Variants in RIMS2 observed in about 807,000 individuals in gnomAD.
RIMS2 encodes the protein regulating synaptic membrane exocytosis 2.
RIMS2 carries 59 observed loss-of-function variants against 174.4 expected under a neutral mutation model. That is an observed-to-expected ratio of 0.34 (90% CI 0.27 to 0.42). The LOEUF is 0.42. RIMS2 is among the 10% of genes least tolerant of loss of function. The probability of loss-of-function intolerance (pLI) is 1.00; values close to 1 mark genes in which losing one functional copy is unlikely to be tolerated. For missense variants in RIMS2, 1,620 were observed against 1,666.3 expected, an observed-to-expected ratio of 0.97 and a Z score of 0.48; for synonymous variants, 606 against 572.5, an observed-to-expected ratio of 1.06 and a Z score of -0.84.
chr8:103,998,780 G>C (rs1565763686), intron 17 of RIMS2, among the ~76,000 whole-genome samples: 1 of 151,700 alleles, frequency 6.6e-6, no homozygotes, highest in Non-Finnish European at 1.5e-5. Context: ...TACTGAGTCT[G>C]TGAGAAAACA....
chr8:103,500,878 C>G (rs1244381438), exon 1 of RIMS2: 2 of 1,584,496 alleles, frequency 1.3e-6, no homozygotes, highest in South Asian at 2.3e-5. Context: ...TGGTTCGGCT[C>G]CACCAAACAT....
At chr8:103,705,022 G>C (rs930966732) in intron 2 of RIMS2, among the ~76,000 whole-genome samples, 4 of 151,190 alleles carry the variant, frequency 2.6e-5, no homozygotes, top group African/African-American at 9.7e-5. Flanking sequence ...TGCTTTTCTA[G>C]TTCTTTAACA....
chr8:103,756,996 TGTGTGTGTGTGTGTGAGA>T (rs1385361585), intron 2 of RIMS2, among the ~76,000 whole-genome samples: 1 of 141,648 alleles, frequency 7.1e-6, no homozygotes, highest in African/African-American at 2.9e-5. Flanking sequence ...TGTGTGTGTG[TGTGTGTGTGTGTGTGAGA>T]GAGAGAGAGA....
chr8:104,131,920 G>A (rs1295012334), intron 19 of RIMS2, among the ~76,000 whole-genome samples: 1 of 152,078 alleles, frequency 6.6e-6, no homozygotes, highest in African/African-American at 2.4e-5. Context: ...TTGAAAAGAA[G>A]TAAATAATGG....
At chr8:103,736,697 G>A (rs1054950563) in intron 2 of RIMS2, among the ~76,000 whole-genome samples, 7 of 152,082 alleles carry the variant, frequency 4.6e-5, no homozygotes, top group Non-Finnish European at 1.0e-4. Context: ...ATTTTGTATG[G>A]AAATAAAATT....
chr8:103,872,445 A>G (rs1344823671), intron 3 of RIMS2, among the ~76,000 whole-genome samples: 1 of 152,220 alleles, frequency 6.6e-6, no homozygotes, highest in Non-Finnish European at 1.5e-5. Context: ...AGTTGACATT[A>G]TGTTTAACTA....
At chr8:103,567,741 C>A (rs1319271893) in intron 1 of RIMS2, among the ~76,000 whole-genome samples, 1 of 152,140 alleles carries the variant, frequency 6.6e-6, no homozygotes, top group Non-Finnish European at 1.5e-5. Context: ...AACTGCCAGA[C>A]TTTTCCAAAG....
chr8:103,821,631 A>G (rs981279238), intron 3 of RIMS2, among the ~76,000 whole-genome samples: 1 of 151,674 alleles, frequency 6.6e-6, no homozygotes, highest in Non-Finnish European at 1.5e-5. Flanking sequence ...ATGCTTCCAC[A>G]TATTTTAATT....
intron 2 of RIMS2, among the ~76,000 whole-genome samples, chr8:103,697,974 A>G (rs1451565107): frequency 7.8e-6 from 1 of 128,446 alleles, no homozygotes; most frequent in Admixed American, 7.3e-5. Context: ...CTCTGTCTCA[A>G]AAGAAAAAAA....
chr8:103,906,177 C>CT (rs1166282501), intron 4 of RIMS2, among the ~76,000 whole-genome samples: 4 of 152,110 alleles, frequency 2.6e-5, no homozygotes, highest in African/African-American at 9.7e-5. Context: ...TACAGGGACA[C>CT]TAATTTTACT....
chr8:103,824,415 C>CCAACAAAA (rs1387402729), intron 3 of RIMS2, among the ~76,000 whole-genome samples: 18 of 152,098 alleles, frequency 1.2e-4, no homozygotes, highest in Non-Finnish European at 2.4e-4. Flanking sequence ...ATTCATGGCC[C>CCAACAAAA]CAACAAAAGA....
chr8:103,829,698 C>T (rs2098813998), intron 3 of RIMS2, among the ~76,000 whole-genome samples: 1 of 152,120 alleles, frequency 6.6e-6, no homozygotes, highest in South Asian at 2.1e-4. Context: ...GACACTGGGG[C>T]CTACTTGAGG....
intron 19 of RIMS2, among the ~76,000 whole-genome samples, chr8:104,038,103 A>C (rs1252655306): frequency 2.0e-5 from 3 of 152,008 alleles, no homozygotes; most frequent in Non-Finnish European, 1.5e-5. Context: ...ATGAAATCAC[A>C]CCCATCTTGC....
At chr8:104,108,265 G>A (rs994552811) in intron 19 of RIMS2, among the ~76,000 whole-genome samples, 1 of 151,916 alleles carries the variant, frequency 6.6e-6, no homozygotes, top group Non-Finnish European at 1.5e-5. Context: ...CAAGGGTCTT[G>A]TTTTATCATC....
intron 3 of RIMS2, among the ~76,000 whole-genome samples, chr8:103,817,273 T>A (rs2098723736): frequency 6.6e-6 from 1 of 152,198 alleles, no homozygotes; most frequent in South Asian, 2.1e-4. Flanking sequence ...ATTAGGCCAC[T>A]GGCAGGTAGT....
chr8:103,697,444 C>T (rs1199029745), intron 2 of RIMS2, 148 bp downstream of exon 4: 2 of 701,130 alleles, frequency 2.9e-6, no homozygotes, highest in Admixed American at 2.3e-5. Context: ...CACGATGGCT[C>T]ACGCCTGTAA....
At chr8:104,042,419 A>G (rs1415740111) in intron 19 of RIMS2, among the ~76,000 whole-genome samples, 1 of 151,638 alleles carries the variant, frequency 6.6e-6, no homozygotes, top group Non-Finnish European at 1.5e-5. Context: ...CAGTTATATA[A>G]AAGATGGACC....
intron 19 of RIMS2, among the ~76,000 whole-genome samples, chr8:104,241,654 A>AT (rs1361168982): frequency 1.3e-5 from 2 of 152,088 alleles, no homozygotes; most frequent in Admixed American, 6.6e-5. Flanking sequence ...CCTGATGGGA[A>AT]TTTTTTCACA....
chr8:103,734,148 G>T (rs1434529932), intron 2 of RIMS2, among the ~76,000 whole-genome samples: 2 of 150,408 alleles, frequency 1.3e-5, no homozygotes, highest in East Asian at 2.0e-4. Context: ...AAGTAGCTGG[G>T]GCTACAGGTG....
Sources: gnomAD v4.1 joint callset for allele counts (sites outside exome capture counted in the v4.1 genomes callset) on GRCh38, gnomAD v4.1.1 for gene constraint, MANE v1.5 for transcripts, NCBI Gene and HGNC (gene_info 2026-07-23, HGNC 2026-07-21) for gene names.